Variants in PHLPP1 observed in about 807,000 individuals in gnomAD.
PHLPP1 encodes the protein PH domain and leucine rich repeat protein phosphatase 1.
Under a neutral mutation model 117.2 loss-of-function variants are expected in PHLPP1, and 42 were observed. That is an observed-to-expected ratio of 0.36 (90% CI 0.28 to 0.46). The LOEUF (loss-of-function observed/expected upper bound fraction) is 0.46, where lower values mean the gene tolerates loss of function less well. PHLPP1 is among the 20% of genes least tolerant of loss of function. The pLI, the probability that PHLPP1 is intolerant of heterozygous loss-of-function variation, is 1.00. For synonymous variants in PHLPP1, 1,042 were observed against 970.7 expected, an observed-to-expected ratio of 1.07 and a Z score of -1.37; for missense variants, 2,084 against 2,241.9, an observed-to-expected ratio of 0.93 and a Z score of 1.42.
At chr18:62,970,539 C>A (rs373241591) in intron 14 of PHLPP1, among the ~76,000 whole-genome samples, 1 of 152,006 alleles carries the variant, frequency 6.6e-6, no homozygotes, top group Non-Finnish European at 1.5e-5. Context: ...CCGAGGCGGG[C>A]GGATCGCTCG....
chr18:62,921,789 G>C (rs1182138360), intron 10 of PHLPP1, among the ~76,000 whole-genome samples: 1 of 152,052 alleles, frequency 6.6e-6, no homozygotes, highest in Non-Finnish European at 1.5e-5. Flanking sequence ...TCAGTAAAGT[G>C]TCCAACTTTT....
intron 4 of PHLPP1, among the ~76,000 whole-genome samples, chr18:62,894,123 G>C (rs1422252817): frequency 6.6e-6 from 1 of 152,140 alleles, no homozygotes; most frequent in Non-Finnish European, 1.5e-5. Flanking sequence ...CATGAGAAGA[G>C]GGCTTAAGAG....
intron 1 of PHLPP1, among the ~76,000 whole-genome samples, chr18:62,766,691 AATATATCAGCTGTATATT>A (rs1266430464): frequency 6.6e-6 from 1 of 152,142 alleles, no homozygotes. Context: ...CACTCTATAT[AATATATCAGCTGTATATT>A]ATATATCAGA....
chr18:62,963,115 T>A (rs1436391099), intron 13 of PHLPP1, among the ~76,000 whole-genome samples: 1 of 152,222 alleles, frequency 6.6e-6, no homozygotes, highest in African/African-American at 2.4e-5. Context: ...GTGGAATGTG[T>A]GAAAGTCTCT....
intron 1 of PHLPP1, among the ~76,000 whole-genome samples, chr18:62,755,187 A>G (rs527521271): frequency 6.6e-5 from 10 of 152,330 alleles, no homozygotes; most frequent in African/African-American, 2.4e-4. Context: ...GATGATCATT[A>G]TAATCCTTTC....
At chr18:62,966,158 A>G (rs1404859304) in intron 14 of PHLPP1, among the ~76,000 whole-genome samples, 1 of 152,096 alleles carries the variant, frequency 6.6e-6, no homozygotes, top group Admixed American at 6.5e-5. Flanking sequence ...AAAACTACCT[A>G]TCCTCATGGG....
chr18:62,753,779 T>C (rs1568103879), intron 1 of PHLPP1, among the ~76,000 whole-genome samples: 1 of 152,234 alleles, frequency 6.6e-6, no homozygotes, highest in African/African-American at 2.4e-5. Flanking sequence ...CCTAAGATTA[T>C]GACTTTTTAA....
intron 4 of PHLPP1, among the ~76,000 whole-genome samples, chr18:62,891,896 A>G: frequency 7.0e-6 from 1 of 142,972 alleles, no homozygotes; most frequent in Admixed American, 6.7e-5. Context: ...CTCAAAAAAA[A>G]AAAAAAAAAA....
At chr18:62,940,262 C>T (rs1483081646) in intron 10 of PHLPP1, among the ~76,000 whole-genome samples, 7 of 148,874 alleles carry the variant, frequency 4.7e-5, no homozygotes, top group African/African-American at 7.4e-5. Flanking sequence ...TCACAATCAC[C>T]GTGGAGGATT....
chr18:62,869,977 C>T (rs1459084099), intron 4 of PHLPP1, among the ~76,000 whole-genome samples: 2 of 152,200 alleles, frequency 1.3e-5, no homozygotes, highest in Non-Finnish European at 2.9e-5. Context: ...ACTGCAACCT[C>T]TGCCTCCCAG....
intron 1 of PHLPP1, among the ~76,000 whole-genome samples, chr18:62,792,104 C>T (rs372848559): frequency 6.6e-6 from 1 of 152,132 alleles, no homozygotes; most frequent in Admixed American, 6.6e-5. Flanking sequence ...AATCAAACTC[C>T]TCTTTTTATG....
rs557372487 is a variant in PHLPP1, at chr18:62,817,572, T to TA, written c.1577-12453dup. On this transcript the variant is annotated intron_variant, in intron 1 of 16. Transcript: ENST00000262719. ...TTACCAACGATGAAACATACAGAATTAAAAAAAAAACCCATAATGAACTGT... is the reference window on the plus strand; with the variant it reads ...TTACCAACGATGAAACATACAGAATTAAAAAAAAAAACCCATAATGAACTGT... 1.3e-3 allele frequency among the ~76,000 whole-genome samples: 191 copies of TA among 147,862 alleles called. 1 individual carries two copies. The highest frequency in any genetic ancestry group is 1.7e-3 in the African/African-American group (69 of 40,398).
chr18:62,881,193 A>G (rs888835271), intron 4 of PHLPP1, among the ~76,000 whole-genome samples: 1 of 152,174 alleles, frequency 6.6e-6, no homozygotes. Flanking sequence ...GCAGTGAGCT[A>G]TGATCACACC....
At chr18:62,929,852 G>A (rs1339108493) in intron 10 of PHLPP1, among the ~76,000 whole-genome samples, 1 of 152,176 alleles carries the variant, frequency 6.6e-6, no homozygotes, top group Non-Finnish European at 1.5e-5. Context: ...GAGAGGCTGA[G>A]GCAGGAGCCT....
intron 1 of PHLPP1, among the ~76,000 whole-genome samples, chr18:62,805,757 G>A (rs1429700491): frequency 6.6e-6 from 1 of 152,018 alleles, no homozygotes; most frequent in Non-Finnish European, 1.5e-5. Flanking sequence ...TTTTGTGGGT[G>A]TCTACTTAAG....
intron 14 of PHLPP1, among the ~76,000 whole-genome samples, chr18:62,972,220 T>C (rs1227781973): frequency 6.6e-6 from 1 of 152,134 alleles, no homozygotes; most frequent in Non-Finnish European, 1.5e-5. Context: ...ATTCATAATC[T>C]TCTCTTATTT....
At chr18:62,933,526 A>G (rs1344959285) in intron 10 of PHLPP1, among the ~76,000 whole-genome samples, 1 of 152,254 alleles carries the variant, frequency 6.6e-6, no homozygotes, top group African/African-American at 2.4e-5. Context: ...AGGACACTCT[A>G]TTCAGTAAAT....
At chr18:62,766,076 A>AAAAAAAAAAAAAAAATAT in intron 1 of PHLPP1, among the ~76,000 whole-genome samples, 4 of 21,660 alleles carry the variant, frequency 1.8e-4, no homozygotes, top group African/African-American at 4.5e-4. Flanking sequence ...AAAAAAAAAA[A>AAAAAAAAAAAAAAAATAT]ATATATATAT....
At position 62,882,081 on chromosome 18, in the gene PHLPP1, T is replaced by C. The variant is rs766821040; in HGVS notation, c.2067-12930T>C. ...TTTTAGAAATTATTTGGCTTCCTTA[T>C]GTAACTATTATGGCACATGCAGGTT... On this transcript the variant is annotated intron_variant, in intron 4 of 16. Coordinates refer to ENST00000262719, the MANE Select transcript of PHLPP1 (RefSeq NM_194449.4). Among the ~76,000 whole-genome samples the C allele has an allele frequency of 2.6e-4, 40 of 152,182 alleles. 1 individual carries two copies. Among genetic ancestry groups the C allele is most frequent in the Non-Finnish European group, 8.8e-5 (6 of 68,018 alleles).
Sources: gnomAD v4.1 joint callset for allele counts (sites outside exome capture counted in the v4.1 genomes callset) on GRCh38, gnomAD v4.1.1 for gene constraint, MANE v1.5 for transcripts, NCBI Gene and HGNC (gene_info 2026-07-23, HGNC 2026-07-21) for gene names.